ESYT2: variants seen among roughly 807,000 people sequenced by gnomAD.
ESYT2 encodes the protein extended synaptotagmin 2.
Under a neutral mutation model 107.2 loss-of-function variants are expected in ESYT2, and 54 were observed. The ratio of observed to expected loss-of-function variants is 0.50; its 90% CI spans 0.40 to 0.63. The LOEUF (loss-of-function observed/expected upper bound fraction) is 0.63. Among genes scored for constraint, ESYT2 ranks in the 30% least tolerant of loss-of-function variants. ESYT2 has a pLI of 0.00. For synonymous variants in ESYT2, 491 were observed against 434.1 expected (o/e 1.13, Z -1.63); for missense variants, 1,020 against 1,094.5 (o/e 0.93, Z 0.96).
chr7:158,771,615 C>T (rs962575532), intron 7 of ESYT2, among the ~76,000 whole-genome samples: 3 of 152,182 alleles, frequency 2.0e-5, no homozygotes, highest in Admixed American at 6.5e-5. Flanking sequence ...ACGAGGGACA[C>T]GCCCACCCTG....
chr7:158,783,905 A>G (rs561270205), intron 6 of ESYT2, among the ~76,000 whole-genome samples: 11 of 152,336 alleles, frequency 7.2e-5, no homozygotes, highest in Non-Finnish European at 1.6e-4. Context: ...GACAGAAGCC[A>G]TGGGGGAGGG....
At chr7:158,790,509 G>C (rs1348255578) in intron 4 of ESYT2, among the ~76,000 whole-genome samples, 1 of 152,174 alleles carries the variant, frequency 6.6e-6, no homozygotes, top group East Asian at 1.9e-4. Flanking sequence ...CTCCAGCCCG[G>C]GTGACAGAGC....
chr7:158,781,233 G>C (rs1355122459), intron 6 of ESYT2, among the ~76,000 whole-genome samples: 1 of 152,086 alleles, frequency 6.6e-6, no homozygotes, highest in Non-Finnish European at 1.5e-5. Flanking sequence ...TGAGGTGTGT[G>C]TAAGAATGAG....
At chr7:158,775,556 CTTTCTTTGTTAGTCATAAGAAGCAA>C in intron 6 of ESYT2, among the ~76,000 whole-genome samples, 1 of 152,226 alleles carries the variant, frequency 6.6e-6, no homozygotes, top group African/African-American at 2.4e-5. Context: ...CAGGAAACCA[CTTTCTTTGTTAGTCATAAGAAGCAA>C]TTTCTCGTCC....
intron 14 of ESYT2, among the ~76,000 whole-genome samples, chr7:158,751,459 C>T (rs999168439): frequency 1.3e-5 from 2 of 152,132 alleles, no homozygotes; most frequent in East Asian, 1.9e-4. Context: ...AAAATATAAG[C>T]GTTAAGTCAG....
intron 1 of ESYT2, among the ~76,000 whole-genome samples, chr7:158,799,890 G>A (rs902392846): frequency 6.6e-6 from 1 of 152,146 alleles, no homozygotes; most frequent in African/African-American, 2.4e-5. Flanking sequence ...AACACTTTGG[G>A]AGGCTGAGGA....
At chr7:158,816,047 C>T (rs148280784) in intron 1 of ESYT2, among the ~76,000 whole-genome samples, 61 of 152,194 alleles carry the variant, frequency 4.0e-4, no homozygotes, top group African/African-American at 1.3e-3. Flanking sequence ...GCAAAAAGAA[C>T]GCTGCAGATG....
intron 1 of ESYT2, among the ~76,000 whole-genome samples, chr7:158,801,009 C>T (rs1486321809): frequency 6.6e-6 from 1 of 152,150 alleles, no homozygotes; most frequent in African/African-American, 2.4e-5. Context: ...CCGAGTGGCA[C>T]AGAAAGCACG....
chr7:158,735,023 T>G (rs1208976912), intron 21 of ESYT2, among the ~76,000 whole-genome samples: 1 of 152,196 alleles, frequency 6.6e-6, no homozygotes, highest in East Asian at 1.9e-4. Context: ...TGACGGAATA[T>G]CAGCGGAGAT....
intron 7 of ESYT2, among the ~76,000 whole-genome samples, chr7:158,772,275 C>T (rs842446): frequency 0.94 from 143,313 of 152,294 alleles, 67,479 homozygotes; most frequent in Middle Eastern, 0.96. Context: ...CATTTTTCTG[C>T]ATCCAGTAAA....
intron 17 of ESYT2, among the ~76,000 whole-genome samples, chr7:158,743,088 G>T (rs767874628): frequency 3.3e-5 from 5 of 152,156 alleles, no homozygotes; most frequent in Non-Finnish European, 7.4e-5. Context: ...AATGAATCGT[G>T]ATTTTGGACA....
At chr7:158,816,077 C>T (rs377373510) in intron 1 of ESYT2, among the ~76,000 whole-genome samples, 85 of 152,274 alleles carry the variant, frequency 5.6e-4, no homozygotes, top group African/African-American at 1.9e-3. Flanking sequence ...GGAGGATCTT[C>T]GCTGGTGGAG....
At chr7:158,767,035 T>G (rs990427746) in intron 8 of ESYT2, among the ~76,000 whole-genome samples, 2 of 152,236 alleles carry the variant, frequency 1.3e-5, no homozygotes, top group African/African-American at 4.8e-5. Flanking sequence ...TGCTGGGTGC[T>G]GTCCCATTTT....
At chr7:158,759,023 G>A (rs1351430021) in intron 13 of ESYT2, among the ~76,000 whole-genome samples, 1 of 152,198 alleles carries the variant, frequency 6.6e-6, no homozygotes, top group Non-Finnish European at 1.5e-5. Flanking sequence ...CCGGAGGCCA[G>A]CTCGCTTGTG....
At chr7:158,735,394 G>T in intron 21 of ESYT2, 109 bp downstream of exon 21, 2 of 803,324 alleles carry the variant, frequency 2.5e-6, no homozygotes, top group Non-Finnish European at 4.1e-6. Flanking sequence ...CATCGACCTC[G>T]TAAGTTCGCC....
At chr7:158,746,946 G>A (rs570612365) in intron 16 of ESYT2, among the ~76,000 whole-genome samples, 6 of 152,322 alleles carry the variant, frequency 3.9e-5, no homozygotes, top group South Asian at 4.1e-4. Context: ...CAGCTACTCC[G>A]GAGGCTGAGG....
intron 14 of ESYT2, 46 bp downstream of exon 14, chr7:158,752,735 C>A: frequency 8.3e-7 from 1 of 1,211,960 alleles, no homozygotes; most frequent in East Asian, 5.7e-5. Context: ...TCATCTCTTT[C>A]AATATGTTTT....
intron 15 of ESYT2, among the ~76,000 whole-genome samples, 192 bp downstream of exon 15, chr7:158,749,457 G>GT (rs1371171707): frequency 1.3e-5 from 2 of 152,082 alleles, no homozygotes; most frequent in Admixed American, 6.6e-5. Context: ...ATATTTCTTG[G>GT]TATTTCAAGT....
chr7:158,760,180 GTTC>G lies in ESYT2; in HGVS notation c.1234-36_1234-34del, dbSNP rs1418527119. The G allele has an allele frequency of 7.5e-6, 12 of 1,591,856 alleles. No homozygotes were observed. In the African/African-American group the frequency reaches 1.1e-4, roughly 14 times the overall value. On this transcript the variant is annotated intron_variant, in intron 11 of 22. Coordinates refer to ENST00000275418, the MANE Select transcript of ESYT2 (RefSeq NM_001367773.1). ...GAAAAAATGTTTACGTTCAGCAAAA[GTTC>G]TTCTGAATCAAAAATCCAAATTAAA...
Sources: allele counts gnomAD v4.1 joint callset (sites outside exome capture counted in the v4.1 genomes callset), GRCh38; gene constraint gnomAD v4.1.1; transcripts MANE v1.5; gene names NCBI Gene and HGNC (gene_info 2026-07-23, HGNC 2026-07-21).